The following MPDZ variants were observed in gnomAD, a reference collection of about 807,000 sequenced individuals.
MPDZ encodes multiple PDZ domain crumbs cell polarity complex component.
MPDZ carries 234 observed loss-of-function variants against 239.1 expected under a neutral mutation model. That is an observed-to-expected ratio of 0.98 (90% CI 0.88 to 1.09). MPDZ has a LOEUF of 1.09. Among genes scored for constraint, MPDZ ranks in the 50% least tolerant of loss-of-function variants. MPDZ has a pLI of 0.00. For synonymous variants in MPDZ, 1,048 were observed against 881.3 expected (o/e 1.19, Z -3.35); for missense variants, 3,175 against 2,510.0 (o/e 1.26, Z -5.66).
chr9:13,126,487 T>C (rs1391660901), intron 34 of MPDZ, 29 bp downstream of exon 34: 2 of 1,487,292 alleles, frequency 1.3e-6, no homozygotes, highest in Non-Finnish European at 1.8e-6. Context: ...TGGGCCTACA[T>C]TACCATTTAC....
intron 28 of MPDZ, 78 bp downstream of exon 28, chr9:13,139,909 C>G: frequency 2.6e-6 from 4 of 1,546,658 alleles, no homozygotes; most frequent in Non-Finnish European, 3.6e-6. Context: ...ACTTACTTAT[C>G]CAGGGCGAAA....
chr9:13,205,050 G>A lies in MPDZ; in HGVS notation c.1532C>T (p.Pro511Leu), dbSNP rs1433581091. 4.1e-6 allele frequency: 6 copies of A among 1,453,928 alleles called. No individual in the cohort carries two copies. The African/African-American group carries it at 5.9e-5, about 14-fold the overall frequency. The allele number at this position is 1,453,928 out of a possible 1,614,324, so 90.1% of individuals were successfully genotyped here. The change falls in exon 12 of 47, where the codon CCA becomes CTA. Residue 511 changes from proline (P) to leucine (L), a missense_variant. Coordinates refer to ENST00000319217, the MANE Select transcript of MPDZ (RefSeq NM_001378778.1). ...LSSTRNTNILPTEEEGYPLLS... is the reference protein window; with the variant it reads ...LSSTRNTNILLTEEEGYPLLS... ...TAGGTGTTTACCTTCTTCTTCAGTT[G>A]GTAATATGTTGGTGTTTCTCGTCGA...
intron 8 of MPDZ, among the ~76,000 whole-genome samples, chr9:13,218,157 G>GAGATATAAT (rs1167578269): frequency 6.6e-6 from 1 of 151,842 alleles, no homozygotes; most frequent in African/African-American, 2.4e-5. Context: ...CCACTTAAAT[G>GAGATATAAT]AGATATAATT....
intron 21 of MPDZ, among the ~76,000 whole-genome samples, chr9:13,173,532 A>T (rs1030181839): frequency 6.6e-6 from 1 of 151,826 alleles, no homozygotes; most frequent in Non-Finnish European, 1.5e-5. Flanking sequence ...GTGAAACCCC[A>T]TCTCTACTAA....
chr9:13,175,026 C>T (rs949329463), intron 21 of MPDZ, among the ~76,000 whole-genome samples: 5 of 152,060 alleles, frequency 3.3e-5, no homozygotes, highest in African/African-American at 1.2e-4. Context: ...ATCTCTGATG[C>T]TGAATTAACC....
At chr9:13,123,394 G>C (rs1944658257) in intron 35 of MPDZ, 96 bp from the exon 36 acceptor site, 2 of 1,006,490 alleles carry the variant, frequency 2.0e-6, no homozygotes, top group South Asian at 3.0e-5. Context: ...GGATGGGGCA[G>C]AGAAATGGGC....
intron 3 of MPDZ, among the ~76,000 whole-genome samples, chr9:13,228,208 ATC>A (rs1379729006): frequency 8.5e-5 from 13 of 152,142 alleles, no homozygotes; most frequent in Non-Finnish European, 1.6e-4. Flanking sequence ...CCAAATAATT[ATC>A]TGTTTTCTGT....
chr9:13,146,450 A>G (rs1186738631), intron 26 of MPDZ, among the ~76,000 whole-genome samples: 1 of 152,114 alleles, frequency 6.6e-6, no homozygotes, highest in Non-Finnish European at 1.5e-5. Flanking sequence ...TTTACAAGTT[A>G]AAATTAAATA....
At chr9:13,244,724 G>A (rs1370298017) in intron 3 of MPDZ, among the ~76,000 whole-genome samples, 1 of 151,940 alleles carries the variant, frequency 6.6e-6, no homozygotes, top group Non-Finnish European at 1.5e-5. Context: ...TCTTAATACT[G>A]AAGAAGCAAA....
intron 1 of MPDZ, among the ~76,000 whole-genome samples, chr9:13,272,033 C>T (rs533377398): frequency 4.6e-5 from 7 of 152,128 alleles, no homozygotes; most frequent in South Asian, 2.1e-4. Flanking sequence ...AGGAAACTTT[C>T]GGGGGTGATG....
At chr9:13,165,282 T>A in intron 22 of MPDZ, 3 of 1,330,784 alleles carry the variant, frequency 2.3e-6, no homozygotes, top group Non-Finnish European at 3.1e-6. Flanking sequence ...ATTCTTGCAT[T>A]GGGACATTAC....
chr9:13,164,917 G>A (rs1215447955), intron 22 of MPDZ, among the ~76,000 whole-genome samples: 9 of 152,080 alleles, frequency 5.9e-5, no homozygotes, highest in African/African-American at 1.2e-4. Context: ...TATGAGCTGC[G>A]AGAACACACT....
chr9:13,240,434 G>A (rs1229383856), intron 3 of MPDZ, among the ~76,000 whole-genome samples: 2 of 151,646 alleles, frequency 1.3e-5, no homozygotes, highest in East Asian at 1.9e-4. Flanking sequence ...ATAGGACATG[G>A]CATATTTTAA....
chr9:13,226,600 G>A (rs977581369), intron 3 of MPDZ, among the ~76,000 whole-genome samples: 1 of 152,036 alleles, frequency 6.6e-6, no homozygotes, highest in African/African-American at 2.4e-5. Flanking sequence ...CCACAGAAAA[G>A]TCCTCCTTCG....
chr9:13,116,759 C>T (rs16930130), intron 39 of MPDZ, among the ~76,000 whole-genome samples: 3,370 of 151,824 alleles, frequency 0.022, 141 homozygotes, highest in African/African-American at 0.077. Context: ...AAGTGATTTA[C>T]GCCCAGTAAA....
chr9:13,190,823 C>A (rs1174211075), intron 15 of MPDZ, among the ~76,000 whole-genome samples: 1 of 152,066 alleles, frequency 6.6e-6, no homozygotes, highest in African/African-American at 2.4e-5. Flanking sequence ...GATTTGCCCC[C>A]AGCTTGAAGC....
At chr9:13,125,642 T>C (rs1158383577) in intron 34 of MPDZ, among the ~76,000 whole-genome samples, 1 of 152,180 alleles carries the variant, frequency 6.6e-6, no homozygotes, top group Non-Finnish European at 1.5e-5. Flanking sequence ...CCACATTTTT[T>C]TCTTATATAA....
chr9:13,147,855 A>G (rs558972542), intron 25 of MPDZ, among the ~76,000 whole-genome samples, 197 bp from the exon 26 acceptor site: 1 of 152,180 alleles, frequency 6.6e-6, no homozygotes, highest in African/African-American at 2.4e-5. Flanking sequence ...TTGGACACAT[A>G]TCTCTGTCTC....
intron 14 of MPDZ, among the ~76,000 whole-genome samples, chr9:13,192,930 T>A (rs1032100161): frequency 6.6e-6 from 1 of 152,188 alleles, no homozygotes; most frequent in Non-Finnish European, 1.5e-5. Flanking sequence ...TTTCAAAGAC[T>A]GTTTTTATAG....
Sources: gnomAD v4.1 joint callset for allele counts (sites outside exome capture counted in the v4.1 genomes callset) on GRCh38, gnomAD v4.1.1 for gene constraint, MANE v1.5 for transcripts, NCBI Gene and HGNC (gene_info 2026-07-23, HGNC 2026-07-21) for gene names.